Variants in EPHA8 observed in about 807,000 individuals in gnomAD.
EPHA8 encodes the protein EPH receptor A8.
A neutral mutation model predicts 103.6 loss-of-function variants in EPHA8; 58 were observed. The observed-to-expected ratio is 0.56, with a 90% CI of 0.45 to 0.70. EPHA8 has a LOEUF of 0.70. Among genes scored for constraint, EPHA8 ranks in the 30% least tolerant of loss-of-function variants. EPHA8 has a pLI of 0.00. For synonymous variants in EPHA8, 559 were observed against 572.5 expected, an observed-to-expected ratio of 0.98 and a Z score of 0.34; for missense variants, 1,304 against 1,395.2, an observed-to-expected ratio of 0.93 and a Z score of 1.04.
rs533387595 is a variant in EPHA8 at position 22,576,943 on chromosome 1, C to A, written c.823+63C>A. ...GCGGTGCTTGGTCTTGGCAGGGCTG[C>A]CAGGGTGTAAGGGGGGACGTCAGAG... On this transcript the variant is annotated intron_variant, in intron 3 of 16. Transcript: ENST00000166244. This position sits in a 1 kb window ranked among gnomAD's most constrained non-coding sequence, Gnocchi z 4.8. 4.7e-5 allele frequency: 71 copies of A among 1,518,526 alleles called. 1 individual carries two copies. In the African/African-American group the frequency reaches 8.1e-4, roughly 17 times the overall value. The allele number at this position is 1,518,526 out of a possible 1,614,324, so 94.1% of individuals were successfully genotyped here.
Position 22,569,194 on chromosome 1 carries a change from G to A in EPHA8, c.95-95G>A, listed in dbSNP as rs1186836376. On this transcript the variant is annotated intron_variant, in intron 1 of 16. Coordinates refer to ENST00000166244, the MANE Select transcript of EPHA8 (RefSeq NM_020526.5). The surrounding 1 kb of genome is among the most constrained non-coding windows in gnomAD (Gnocchi z 4.5). ...GACCCGTGTGAGCTGTGTGCTGGGG[G>A]CTGAGTGTGGACCAGTGTAGCTGGG... 19 of 1,205,806 alleles carry A rather than the reference G, an allele frequency of 1.6e-5. No homozygotes were observed. The East Asian group carries it at 4.3e-4, about 27-fold the overall frequency. The allele number at this position is 1,205,806 out of a possible 1,614,324, so 74.7% of individuals were successfully genotyped here. A position where few individuals can be genotyped will look rare whatever the true frequency, so the allele number is the denominator to read the frequency against.
intron 13 of EPHA8, among the ~76,000 whole-genome samples, chr1:22,599,459 T>A (rs1641616459): frequency 6.6e-6 from 1 of 151,964 alleles, no homozygotes; most frequent in Non-Finnish European, 1.5e-5. Context: ...AGGAGCTGAG[T>A]GCATGGGGGC....
chr1:22,601,839 G>T lies in EPHA8; in HGVS notation c.*98G>T, dbSNP rs1034605583. 4 of 1,150,374 alleles carry T rather than the reference G, an allele frequency of 3.5e-6. No individual in the cohort carries two copies. In the Admixed American group the frequency reaches 9.6e-5, roughly 28 times the overall value. The allele number at this position is 1,150,374 out of a possible 1,614,324, so 71.3% of individuals were successfully genotyped here. ...CTGGCAGCAGGCAGGGCGGCCCCAGGCCTCTGCCCTCCTCTCAGGTGCTGG... is the reference window on the plus strand; with the variant it reads ...CTGGCAGCAGGCAGGGCGGCCCCAGTCCTCTGCCCTCCTCTCAGGTGCTGG... On this transcript the variant is annotated 3_prime_UTR_variant, in exon 17 of 17. Transcript: ENST00000166244.
At chr1:22,571,873 CA>C (rs553380901) in intron 2 of EPHA8, among the ~76,000 whole-genome samples, 380 of 151,864 alleles carry the variant, frequency 2.5e-3, no homozygotes, top group African/African-American at 9.1e-3. Flanking sequence ...CCTTTCTCTA[CA>C]AAAAAAATTA....
intron 15 of EPHA8, 28 bp from the exon 16 acceptor site, chr1:22,601,272 C>T: frequency 1.3e-6 from 2 of 1,581,872 alleles, no homozygotes; most frequent in Non-Finnish European, 1.7e-6. Context: ...AACCCTCTGG[C>T]CACTTACCAA....
At chr1:22,580,002 G>C (rs1388058218) in intron 3 of EPHA8, among the ~76,000 whole-genome samples, 1 of 152,096 alleles carries the variant, frequency 6.6e-6, no homozygotes, top group Admixed American at 6.5e-5. Context: ...AACAGGTGGG[G>C]ATGGAGTCCA....
At chr1:22,571,830 A>G (rs1432887755) in intron 2 of EPHA8, among the ~76,000 whole-genome samples, 1 of 152,114 alleles carries the variant, frequency 6.6e-6, no homozygotes, top group Non-Finnish European at 1.5e-5. Context: ...TGCGACCAGG[A>G]GTTCGAGACC....
In EPHA8 at chr1:22,589,175, C is replaced by A; in HGVS notation, c.1284C>A (p.Ala428=). 1 of 1,613,886 alleles carries A rather than the reference C, an allele frequency of 6.2e-7. No individual in the cohort carries two copies. Among genetic ancestry groups the A allele is most frequent in the Non-Finnish European group, 8.5e-7 (1 of 1,179,940 alleles). The change falls in exon 5 of 17, where the codon GCC becomes GCA. Residue 428 remains alanine (A), a synonymous_variant. Transcript: ENST00000166244. The surrounding 1 kb of genome is among the most constrained non-coding windows in gnomAD (Gnocchi z 4.3). The part of the protein sequence containing the change: ...VSDLSPEPRR[A]AVVNITTNQA... ...ACCTGAGCCCCGAGCCCCGCCGGGC[C>A]GCTGTGGTCAACATCACCACGAACC... is the stretch of plus-strand genomic sequence containing the variant.
At position 22,601,009 on chromosome 1, in the gene EPHA8, C is replaced by G. The variant is rs751222767; in HGVS notation, c.2650C>G (p.Arg884Gly). ...CWHKDRAQRP[R>G]FSQIVSVLDA... ...GCACAAGGACCGGGCGCAGCGGCCTCGCTTCTCCCAGATTGTCAGTGTCCT... is the reference window on the plus strand; with the variant it reads ...GCACAAGGACCGGGCGCAGCGGCCTGGCTTCTCCCAGATTGTCAGTGTCCT... Residue 884 changes from arginine to glycine, a missense_variant, in exon 15 of 17, where the codon CGC becomes GGC. By Grantham distance (125) the Arg-to-Gly change is moderately radical. Coordinates refer to ENST00000166244, the MANE Select transcript of EPHA8 (RefSeq NM_020526.5). 1 of 1,612,936 alleles carries G rather than the reference C, an allele frequency of 6.2e-7. No homozygotes were observed. Among genetic ancestry groups the G allele is most frequent in the Non-Finnish European group, 8.5e-7 (1 of 1,179,904 alleles).
At chr1:22,587,511 C>T (rs1183619519) in intron 4 of EPHA8, among the ~76,000 whole-genome samples, 4 of 152,158 alleles carry the variant, frequency 2.6e-5, no homozygotes, top group Non-Finnish European at 5.9e-5. Flanking sequence ...CCCATGCCTG[C>T]AGGGCTGCGT....
chr1:22,601,260 C>T (rs7554717), intron 15 of EPHA8, 40 bp from the exon 16 acceptor site: 38,007 of 1,570,094 alleles, frequency 0.024, 499 homozygotes, highest in Non-Finnish European at 0.027. Context: ...TCCAGCCTCC[C>T]GAACCCTCTG....
At chr1:22,579,343 GTGTA>G (rs1352216204) in intron 3 of EPHA8, among the ~76,000 whole-genome samples, 10 of 139,002 alleles carry the variant, frequency 7.2e-5, no homozygotes, top group African/African-American at 2.8e-4. Flanking sequence ...GTGTGCATGA[GTGTA>G]TGTATGCGTG....
intron 2 of EPHA8, among the ~76,000 whole-genome samples, chr1:22,571,909 C>T (rs921506043): frequency 2.6e-5 from 4 of 152,114 alleles, no homozygotes; most frequent in Non-Finnish European, 4.4e-5. Context: ...TGGTGGTGCA[C>T]GCTTGTGGTC....
At chr1:22,593,476 G>C in intron 6 of EPHA8, 26 bp downstream of exon 6, 1 of 1,609,810 alleles carries the variant, frequency 6.2e-7, no homozygotes, top group Non-Finnish European at 8.5e-7. Context: ...CGGAGTGGGA[G>C]GGGCTGGGCC....
At chr1:22,584,458 G>A (rs949768590) in intron 3 of EPHA8, among the ~76,000 whole-genome samples, 1 of 152,210 alleles carries the variant, frequency 6.6e-6, no homozygotes, top group Non-Finnish European at 1.5e-5. Context: ...CAACTTCAGG[G>A]CGTTACCATT....
At chr1:22,601,568 T>G in intron 16 of EPHA8, 59 bp from the exon 17 acceptor site, 1 of 1,586,780 alleles carries the variant, frequency 6.3e-7, no homozygotes, top group Non-Finnish European at 8.6e-7. Context: ...TGGCCCTGGC[T>G]GCGTGCGCGG....
At chr1:22,580,664 CA>C (rs1641020586) in intron 3 of EPHA8, among the ~76,000 whole-genome samples, 1 of 152,214 alleles carries the variant, frequency 6.6e-6, no homozygotes. Flanking sequence ...GAAAAACAAC[CA>C]ACACCCCTAT....
chr1:22,572,915 C>T (rs373861579), intron 2 of EPHA8, among the ~76,000 whole-genome samples: 2 of 152,190 alleles, frequency 1.3e-5, no homozygotes, highest in East Asian at 1.9e-4. Flanking sequence ...CAGCAGCTCC[C>T]GGGGCTGGCA....
chr1:22,583,773 C>T (rs969344146), intron 3 of EPHA8, among the ~76,000 whole-genome samples: 7 of 152,192 alleles, frequency 4.6e-5, no homozygotes, highest in African/African-American at 4.8e-5. Context: ...GGGGGTTAGA[C>T]GAGGACAGGA....
Sources: gnomAD v4.1 joint callset for allele counts (sites outside exome capture counted in the v4.1 genomes callset) on GRCh38, gnomAD v4.1.1 for gene constraint, Gnocchi (gnomAD v3.1) non-coding constraint, MANE v1.5 for transcripts, NCBI Gene and HGNC (gene_info 2026-07-23, HGNC 2026-07-21) for gene names.